Variants in MEGF11 observed in about 807,000 individuals in gnomAD.
MEGF11 encodes multiple epidermal growth factor-like domains protein 11.
In MEGF11, 126 loss-of-function variants were observed where a neutral mutation model predicts 146.6. The ratio of observed to expected loss-of-function variants is 0.86; its 90% CI spans 0.74 to 1.00. The LOEUF (loss-of-function observed/expected upper bound fraction) is 1.00. MEGF11 is among the 50% of genes least tolerant of loss of function. MEGF11 has a pLI of 0.00. For synonymous variants in MEGF11, 532 were observed against 583.4 expected (o/e 0.91, Z 1.27); for missense variants, 1,509 against 1,521.2 (o/e 0.99, Z 0.13).
intron 4 of MEGF11, 128 bp from the exon 5 acceptor site, chr15:66,094,622 C>CT (rs2086461005): frequency 4.2e-6 from 3 of 718,144 alleles, no homozygotes; most frequent in Non-Finnish European, 7.0e-6. Flanking sequence ...GCATGACTGG[C>CT]TTGGGGGGGA....
intron 1 of MEGF11, among the ~76,000 whole-genome samples, chr15:66,180,271 G>A (rs1223313611): frequency 1.3e-5 from 2 of 152,220 alleles, no homozygotes; most frequent in Non-Finnish European, 2.9e-5. Context: ...AGATGGGCAA[G>A]CAGTGAGGTT....
chr15:66,001,276 C>T (rs1452770928), intron 5 of MEGF11, among the ~76,000 whole-genome samples: 1 of 152,152 alleles, frequency 6.6e-6, no homozygotes, highest in Non-Finnish European at 1.5e-5. Context: ...ATGCAGTGCA[C>T]AACCTGAACA....
At chr15:65,927,059 G>T (rs564189768) in intron 13 of MEGF11, among the ~76,000 whole-genome samples, 26 of 152,286 alleles carry the variant, frequency 1.7e-4, no homozygotes, top group African/African-American at 5.1e-4. Flanking sequence ...AACCTATACT[G>T]CCAGAAATGA....
At chr15:66,042,107 CTTTTTT>C (rs199704077) in intron 5 of MEGF11, among the ~76,000 whole-genome samples, 13 of 143,104 alleles carry the variant, frequency 9.1e-5, no homozygotes, top group South Asian at 2.3e-4. Context: ...ATTTCTTTCC[CTTTTTT>C]TTTTTTTTTT....
intron 5 of MEGF11, among the ~76,000 whole-genome samples, chr15:65,998,662 G>A (rs539348360): frequency 7.9e-5 from 12 of 152,174 alleles, no homozygotes; most frequent in African/African-American, 1.2e-4. Context: ...CACGGTGGTG[G>A]TGGGTCCCCA....
intron 23 of MEGF11, chr15:65,906,494 A>C: frequency 4.6e-6 from 1 of 215,242 alleles, no homozygotes; most frequent in Non-Finnish European, 9.2e-6. Context: ...CTGCAGGTGA[A>C]ACTCCAGGCT....
At chr15:66,070,426 T>C (rs1337683201) in intron 5 of MEGF11, among the ~76,000 whole-genome samples, 1 of 152,202 alleles carries the variant, frequency 6.6e-6, no homozygotes, top group Non-Finnish European at 1.5e-5. Context: ...CAGGTGTCCA[T>C]GTGACAACCA....
At chr15:66,238,911 G>A (rs976139174) in intron 1 of MEGF11, among the ~76,000 whole-genome samples, 5 of 149,272 alleles carry the variant, frequency 3.3e-5, no homozygotes, top group Non-Finnish European at 7.4e-5. Context: ...CTTCCTCCAC[G>A]AGAATGGAAG....
chr15:66,036,494 G>A (rs190703441), intron 5 of MEGF11, among the ~76,000 whole-genome samples: 3 of 152,322 alleles, frequency 2.0e-5, no homozygotes, highest in East Asian at 3.9e-4. Context: ...TCCAGGTGAT[G>A]GACATTTGTG....
chr15:66,183,189 G>A (rs2090598551), intron 1 of MEGF11, among the ~76,000 whole-genome samples: 1 of 152,174 alleles, frequency 6.6e-6, no homozygotes, highest in Non-Finnish European at 1.5e-5. Flanking sequence ...GCGGGAGTGA[G>A]GAGAGGGGAA....
intron 1 of MEGF11, among the ~76,000 whole-genome samples, chr15:66,131,052 T>C (rs571214528): frequency 7.4e-4 from 113 of 152,326 alleles, no homozygotes; most frequent in African/African-American, 2.5e-3. Context: ...GAAGAGTCCA[T>C]GTAAATAGAT....
chr15:66,221,890 C>T (rs994985204), intron 1 of MEGF11, among the ~76,000 whole-genome samples: 1 of 126,498 alleles, frequency 7.9e-6, no homozygotes, highest in Non-Finnish European at 1.8e-5. Context: ...ATAAAAGCTG[C>T]CCCTGCTAAC....
chr15:65,936,463 A>G (rs966565789), intron 10 of MEGF11, among the ~76,000 whole-genome samples: 1 of 152,222 alleles, frequency 6.6e-6, no homozygotes, highest in African/African-American at 2.4e-5. Flanking sequence ...GGACAGGAGC[A>G]GAAGGACTTG....
chr15:66,156,580 T>C (rs1427017494), intron 1 of MEGF11, among the ~76,000 whole-genome samples: 1 of 151,800 alleles, frequency 6.6e-6, no homozygotes, highest in African/African-American at 2.4e-5. Flanking sequence ...AGGGAGAAGA[T>C]GCTGCTCCCT....
chr15:66,204,429 GA>G (rs141640612), intron 1 of MEGF11, among the ~76,000 whole-genome samples: 1 of 151,716 alleles, frequency 6.6e-6, no homozygotes, highest in Non-Finnish European at 1.5e-5. Flanking sequence ...AAAAGAAAAA[GA>G]AAAAAAAGAA....
intron 15 of MEGF11, among the ~76,000 whole-genome samples, chr15:65,919,515 C>T (rs962268594): frequency 6.6e-6 from 1 of 151,940 alleles, no homozygotes; most frequent in African/African-American, 2.4e-5. Context: ...ATGTACATGT[C>T]TTGATTAAAA....
Position 65,915,597 on chromosome 15 carries a change from T to A in MEGF11, c.2346A>T (p.Arg782Ser). 1 of 1,613,822 alleles carries A rather than the reference T, an allele frequency of 6.2e-7. No individual in the cohort carries two copies. The highest frequency in any genetic ancestry group is 8.5e-7 in the Non-Finnish European group (1 of 1,179,790). ...TGFTGQHCEQ[R>S]CAPGTFGYGC... is the part of the protein sequence containing the mutation. ...CATAGCCAAAGGTTCCTGGGGCACA[T>A]CCTGTGTGGCACAAAGAGTTAGGGT... The change falls in exon 19 of 26, where the codon AGA (arginine) becomes AGT (serine). Residue 782 changes from arginine (R) to serine (S), a missense_variant and splice_region_variant. By Grantham distance (110) the Arg-to-Ser change is moderately radical. Coordinates refer to ENST00000395614, the MANE Select transcript of MEGF11 (RefSeq NM_001385028.1).
chr15:66,094,536 A>T, intron 4 of MEGF11, 42 bp from the exon 5 acceptor site: 2 of 1,502,016 alleles, frequency 1.3e-6, no homozygotes, highest in Non-Finnish European at 1.8e-6. Flanking sequence ...CAGAACAAAC[A>T]GTGAAAACCA....
chr15:65,915,698 C>G lies in MEGF11; in HGVS notation c.2345-100G>C, dbSNP rs528540250. On this transcript the variant is annotated intron_variant, in intron 18 of 25. Transcript: ENST00000395614. Reference sequence around the variant, plus strand: ...GGCAATAAGCCTGTTTTGCCTCCCACTGAGTGAAGCCTATTCCCTTAGCTC... The same window carrying G: ...GGCAATAAGCCTGTTTTGCCTCCCAGTGAGTGAAGCCTATTCCCTTAGCTC... 15 of 1,437,394 alleles carry G rather than the reference C, an allele frequency of 1.0e-5. No homozygotes were observed. In the African/African-American group the frequency reaches 2.1e-4, roughly 20 times the overall value. 89.0% of individuals were successfully genotyped at this position (1,437,394 alleles called of 1,614,324 possible). A position where few individuals can be genotyped will look rare whatever the true frequency, so the allele number is the denominator to read the frequency against.
Sources: gnomAD v4.1 joint callset for allele counts (sites outside exome capture counted in the v4.1 genomes callset) on GRCh38, gnomAD v4.1.1 for gene constraint, MANE v1.5 for transcripts, NCBI Gene and HGNC (gene_info 2026-07-23, HGNC 2026-07-21) for gene names.